The following KCNH7 variants were observed in gnomAD, a reference collection of about 807,000 sequenced individuals.
KCNH7 encodes potassium voltage-gated channel subfamily H member 7, also known as voltage-gated inwardly rectifying potassium channel KCNH7.
KCNH7 carries 49 observed loss-of-function variants against 120.8 expected under a neutral mutation model. That is an observed-to-expected ratio of 0.41 (90% CI 0.32 to 0.51). The LOEUF is 0.51. KCNH7 is among the 20% of genes least tolerant of loss of function. KCNH7 has a pLI of 0.38. For missense variants in KCNH7, 1,097 were observed against 1,446.6 expected (o/e 0.76, Z 3.92); for synonymous variants, 547 against 516.1 (o/e 1.06, Z -0.81).
In KCNH7 at chr2:162,752,873, C is replaced by G. The variant is rs1194313050; in HGVS notation, c.307+83664G>C. Among the ~76,000 whole-genome samples the G allele has an allele frequency of 5.3e-5, 7 of 131,412 alleles. No homozygotes were observed. In the Admixed American group the frequency reaches 5.4e-4, roughly 10 times the overall value. 86.2% of individuals were successfully genotyped at this position (131,412 alleles called of 152,430 possible). ...CCGAGATTGCGCCATTGCACTCCAG[C>G]CTGGGCAAAAGAGCAAGACTACATC... On this transcript the variant is annotated intron_variant, in intron 2 of 15. Transcript: ENST00000332142.
In KCNH7 at chr2:162,752,902, G is replaced by GAAAAAAGAAAAGAAAAGAAAAGAAAAGA. The variant is rs140501872; in HGVS notation, c.307+83634_307+83635insTCTTTTCTTTTCTTTTCTTTTCTTTTTT. ...GGCAAAAGAGCAAGACTACATCTCA[G>GAAAAAAGAAAAGAAAAGAAAAGAAAAGA]AAAAAGAAAAGAAAAGAAAAGAAAA... On this transcript the variant is annotated intron_variant, in intron 2 of 15. Transcript: ENST00000332142. Among the ~76,000 whole-genome samples, 15 of 61,280 alleles carry GAAAAAAGAAAAGAAAAGAAAAGAAAAGA rather than the reference G, an allele frequency of 2.4e-4. 1 individual carries two copies. Among genetic ancestry groups the GAAAAAAGAAAAGAAAAGAAAAGAAAAGA allele is most frequent in the African/African-American group, 9.5e-4 (12 of 12,594 alleles). 40.2% of individuals were successfully genotyped at this position (61,280 alleles called of 152,430 possible).
At chr2:162,703,044 G>C (rs1469971237) in intron 2 of KCNH7, among the ~76,000 whole-genome samples, 1 of 152,082 alleles carries the variant, frequency 6.6e-6, no homozygotes, top group Admixed American at 6.6e-5. Flanking sequence ...CAAAGACCTG[G>C]ATTATCACCA....
chr2:162,703,285 A>G (rs1183783971), intron 2 of KCNH7, among the ~76,000 whole-genome samples: 1 of 152,098 alleles, frequency 6.6e-6, no homozygotes, highest in Non-Finnish European at 1.5e-5. Flanking sequence ...GAGCTTAAGC[A>G]ATATATCTAA....
At chr2:162,387,748 T>C (rs1406119502) in intron 12 of KCNH7, among the ~76,000 whole-genome samples, 1 of 151,766 alleles carries the variant, frequency 6.6e-6, no homozygotes, top group African/African-American at 2.4e-5. Context: ...GGTGTCTCTC[T>C]GAGTTTAGAA....
At chr2:162,649,899 G>A (rs1684506545) in intron 2 of KCNH7, among the ~76,000 whole-genome samples, 1 of 152,080 alleles carries the variant, frequency 6.6e-6, no homozygotes, top group Non-Finnish European at 1.5e-5. Context: ...TTATTTGATA[G>A]CATGTGATAC....
chr2:162,420,519 T>G (rs1687669631), intron 9 of KCNH7, among the ~76,000 whole-genome samples: 1 of 152,248 alleles, frequency 6.6e-6, no homozygotes, highest in Non-Finnish European at 1.5e-5. Flanking sequence ...GTTCCCACAG[T>G]GCTTTAAGTT....
intron 4 of KCNH7, among the ~76,000 whole-genome samples, chr2:162,516,750 A>G (rs1691310879): frequency 6.6e-6 from 1 of 151,834 alleles, no homozygotes; most frequent in South Asian, 2.1e-4. Context: ...TCCTATGGCA[A>G]GGTTTCATGG....
intron 9 of KCNH7, 146 bp from the exon 10 acceptor site, chr2:162,400,587 G>T: frequency 1.3e-6 from 1 of 748,440 alleles, no homozygotes; most frequent in Non-Finnish European, 2.2e-6. Flanking sequence ...CTACCTTAAT[G>T]AATACTTGAT....
At chr2:162,393,786 C>A (rs1229428615) in intron 12 of KCNH7, among the ~76,000 whole-genome samples, 1 of 151,892 alleles carries the variant, frequency 6.6e-6, no homozygotes, top group Non-Finnish European at 1.5e-5. Context: ...TGTTACAGAG[C>A]CTACTATTTG....
intron 3 of KCNH7, among the ~76,000 whole-genome samples, chr2:162,525,709 G>T (rs1178821182): frequency 6.6e-6 from 1 of 151,868 alleles, no homozygotes; most frequent in Non-Finnish European, 1.5e-5. Flanking sequence ...ATTGAGCATG[G>T]ATGATCATGT....
At chr2:162,464,561 C>T (rs748471756) in intron 6 of KCNH7, among the ~76,000 whole-genome samples, 7 of 151,896 alleles carry the variant, frequency 4.6e-5, no homozygotes, top group South Asian at 2.1e-4. Flanking sequence ...ATCCATGTCC[C>T]GGACTCCTTG....
At chr2:162,556,223 A>G (rs187196444) in intron 2 of KCNH7, among the ~76,000 whole-genome samples, 1 of 152,260 alleles carries the variant, frequency 6.6e-6, no homozygotes, top group East Asian at 1.9e-4. Flanking sequence ...ATTAAAACTA[A>G]TGTTTGTTGA....
chr2:162,496,443 A>G (rs1046163005), intron 6 of KCNH7, among the ~76,000 whole-genome samples: 1 of 152,118 alleles, frequency 6.6e-6, no homozygotes, highest in Non-Finnish European at 1.5e-5. Flanking sequence ...CATGCCTTAT[A>G]CAAATATGGA....
chr2:162,737,453 A>G (rs1449975290), intron 2 of KCNH7, among the ~76,000 whole-genome samples: 1 of 152,118 alleles, frequency 6.6e-6, no homozygotes, highest in African/African-American at 2.4e-5. Flanking sequence ...TCTCAGAAAT[A>G]TTTGAGGAAA....
intron 2 of KCNH7, among the ~76,000 whole-genome samples, chr2:162,599,223 T>C (rs1694473715): frequency 6.6e-6 from 1 of 151,158 alleles, no homozygotes; most frequent in South Asian, 2.1e-4. Flanking sequence ...AATAAATAAA[T>C]AATAAAAAGA....
intron 6 of KCNH7, among the ~76,000 whole-genome samples, chr2:162,455,420 G>A (rs1047058619): frequency 2.0e-5 from 3 of 151,792 alleles, no homozygotes; most frequent in Non-Finnish European, 4.4e-5. Flanking sequence ...TATGTCTGCT[G>A]GGTTTTGGTA....
intron 6 of KCNH7, among the ~76,000 whole-genome samples, chr2:162,447,801 T>C (rs918549778): frequency 6.6e-6 from 1 of 152,000 alleles, no homozygotes; most frequent in African/African-American, 2.4e-5. Context: ...TATCCCCACA[T>C]AATGAGTTAC....
intron 2 of KCNH7, among the ~76,000 whole-genome samples, chr2:162,704,093 T>C (rs1686609878): frequency 6.6e-6 from 1 of 152,140 alleles, no homozygotes; most frequent in Non-Finnish European, 1.5e-5. Context: ...AGCAAATAAC[T>C]ATATGTGAAC....
chr2:162,421,877 C>A (rs369358571), intron 9 of KCNH7, among the ~76,000 whole-genome samples: 42 of 152,098 alleles, frequency 2.8e-4, no homozygotes, highest in African/African-American at 1.0e-3. Flanking sequence ...CAGTATGGAA[C>A]AACAAAAAAT....
Sources: allele counts gnomAD v4.1 joint callset (sites outside exome capture counted in the v4.1 genomes callset), GRCh38; gene constraint gnomAD v4.1.1; transcripts MANE v1.5; gene names NCBI Gene and HGNC (gene_info 2026-07-23, HGNC 2026-07-21).